Variants in MAML3 observed in about 807,000 individuals in gnomAD.
MAML3 encodes the protein mastermind like transcriptional coactivator 3.
In MAML3, 27 loss-of-function variants were observed where a neutral mutation model predicts 101.9. The observed-to-expected ratio is 0.27, with a 90% CI of 0.20 to 0.37. MAML3 has a LOEUF of 0.37. Among genes scored for constraint, MAML3 ranks in the 10% least tolerant of loss-of-function variants. MAML3 has a pLI of 1.00. For missense variants in MAML3, 1,316 were observed against 1,444.9 expected (o/e 0.91, Z 1.45); for synonymous variants, 501 against 555.9 (o/e 0.90, Z 1.39).
intron 1 of MAML3, among the ~76,000 whole-genome samples, chr4:139,913,980 C>T (rs1225442749): frequency 6.6e-6 from 1 of 152,112 alleles, no homozygotes; most frequent in African/African-American, 2.4e-5. Flanking sequence ...AAAGAAAAAA[C>T]ATCCAGTGAT....
chr4:139,941,574 A>G (rs1229879985), intron 1 of MAML3, among the ~76,000 whole-genome samples: 1 of 151,754 alleles, frequency 6.6e-6, no homozygotes, highest in Non-Finnish European at 1.5e-5. Context: ...TGGTATTGGT[A>G]GTGGATTTTT....
intron 1 of MAML3, among the ~76,000 whole-genome samples, chr4:139,944,477 A>G (rs942406054): frequency 2.6e-5 from 4 of 152,048 alleles, no homozygotes; most frequent in African/African-American, 7.2e-5. Flanking sequence ...ATGATTTCCA[A>G]TTTCATCCAT....
chr4:139,992,557 A>C (rs757368025), intron 1 of MAML3, among the ~76,000 whole-genome samples: 1 of 151,670 alleles, frequency 6.6e-6, no homozygotes, highest in Non-Finnish European at 1.5e-5. Context: ...TTTGAGATGG[A>C]GTCTCACTCT....
chr4:139,967,248 G>T (rs912491215), intron 1 of MAML3, among the ~76,000 whole-genome samples: 5 of 152,048 alleles, frequency 3.3e-5, no homozygotes, highest in Non-Finnish European at 7.4e-5. Context: ...TCAATGAAAG[G>T]CAGTCGCCCC....
intron 1 of MAML3, among the ~76,000 whole-genome samples, chr4:140,063,344 C>A (rs7675405): frequency 1.3e-5 from 2 of 152,174 alleles, no homozygotes; most frequent in Non-Finnish European, 2.9e-5. Flanking sequence ...TGTAATAAGC[C>A]GTCAGTATTT....
At chr4:140,020,816 A>T (rs998852932) in intron 1 of MAML3, among the ~76,000 whole-genome samples, 1 of 152,204 alleles carries the variant, frequency 6.6e-6, no homozygotes, top group Non-Finnish European at 1.5e-5. Flanking sequence ...AATACAAATT[A>T]AAAAATTGAC....
At chr4:139,760,349 A>T (rs981167720) in intron 2 of MAML3, among the ~76,000 whole-genome samples, 2 of 152,214 alleles carry the variant, frequency 1.3e-5, no homozygotes, top group Admixed American at 1.3e-4. Flanking sequence ...ACACAAGTTC[A>T]GGATGGGAGG....
intron 4 of MAML3, among the ~76,000 whole-genome samples, chr4:139,724,696 C>T (rs946643450): frequency 2.0e-5 from 3 of 151,936 alleles, no homozygotes; most frequent in Middle Eastern, 3.2e-3. Flanking sequence ...ACCCCTGTAG[C>T]CCCCTGAAAA....
Position 139,890,531 on chromosome 4 carries a change from A to T in MAML3, c.905T>A (p.Ile302Asn). 6.2e-7 allele frequency: 1 copy of T among 1,613,978 alleles called. No homozygotes were observed. The highest frequency in any genetic ancestry group is 1.3e-5 in the African/African-American group (1 of 75,014). The change falls in exon 2 of 5, where the codon ATT becomes AAT. Residue 302 changes from isoleucine to asparagine, a missense_variant. By Grantham distance (149) the Ile-to-Asn change is moderately radical (BLOSUM62 -3). Coordinates refer to ENST00000509479, the MANE Select transcript of MAML3 (RefSeq NM_018717.5). This position sits in a 1 kb window ranked among gnomAD's most constrained non-coding sequence, Gnocchi z 4.1. ...LSNQNKLFSD[I>N]NLNDQEWQEL... The stretch of plus-strand genomic sequence containing the variant: ...TTGCCACTCCTGATCATTCAGATTA[A>T]TGTCTGAGAACAGCTTGTTCTGATT...
chr4:140,001,633 T>C (rs1484642344), intron 1 of MAML3, among the ~76,000 whole-genome samples: 1 of 152,248 alleles, frequency 6.6e-6, no homozygotes, highest in African/African-American at 2.4e-5. Context: ...CCAAAGGTTT[T>C]ATTTTGTGTA....
chr4:140,103,294 A>G (rs576872762), intron 1 of MAML3, among the ~76,000 whole-genome samples: 1 of 152,372 alleles, frequency 6.6e-6, no homozygotes, highest in South Asian at 2.1e-4. Flanking sequence ...AATCCCAAAA[A>G]GCAAGACATG....
At chr4:140,058,100 T>C (rs376487516) in intron 1 of MAML3, among the ~76,000 whole-genome samples, 32 of 152,298 alleles carry the variant, frequency 2.1e-4, no homozygotes, top group African/African-American at 7.2e-4. Context: ...CTGAAGAAGT[T>C]TTACTTTATT....
intron 1 of MAML3, among the ~76,000 whole-genome samples, chr4:140,046,614 T>C (rs1727186743): frequency 6.6e-6 from 1 of 152,194 alleles, no homozygotes; most frequent in African/African-American, 2.4e-5. Flanking sequence ...AACAGGCATT[T>C]CTTCAGTGCC....
intron 2 of MAML3, among the ~76,000 whole-genome samples, chr4:139,883,596 A>T (rs1732263344): frequency 6.6e-6 from 1 of 152,156 alleles, no homozygotes; most frequent in Non-Finnish European, 1.5e-5. Context: ...TAGTATAAGT[A>T]GCTGCACCCC....
chr4:139,847,332 T>C (rs1731468209), intron 2 of MAML3, among the ~76,000 whole-genome samples: 1 of 152,168 alleles, frequency 6.6e-6, no homozygotes, highest in African/African-American at 2.4e-5. Flanking sequence ...ACAAGATCAC[T>C]CAGATTCAAT....
At position 140,078,027 on chromosome 4, in the gene MAML3, A is replaced by ATG. The variant is rs61154502; in HGVS notation, c.468+74832_468+74833insCA. The stretch of plus-strand genomic sequence containing the variant: ...GCAAGACTCCGTCTCAAATAAATAA[A>ATG]AAAATAAATAAATAAATAAATAAAT... On this transcript the variant is annotated intron_variant, in intron 1 of 4. Transcript: ENST00000509479. Among the ~76,000 whole-genome samples, 57 of 149,598 alleles carry ATG rather than the reference A, an allele frequency of 3.8e-4. No individual in the cohort carries two copies. In the South Asian group the frequency reaches 0.012, roughly 31 times the overall value.
At chr4:139,903,944 T>C (rs1343829975) in intron 1 of MAML3, among the ~76,000 whole-genome samples, 2 of 152,158 alleles carry the variant, frequency 1.3e-5, no homozygotes, top group African/African-American at 2.4e-5. Flanking sequence ...TGTCCTCCCA[T>C]GGTGAAAACA....
intron 2 of MAML3, among the ~76,000 whole-genome samples, chr4:139,888,011 T>C (rs1011166108): frequency 6.6e-6 from 1 of 152,234 alleles, no homozygotes; most frequent in African/African-American, 2.4e-5. Context: ...TATACTTTTA[T>C]TTATCCAGAC....
At chr4:140,032,536 T>C (rs1214271225) in intron 1 of MAML3, among the ~76,000 whole-genome samples, 1 of 152,242 alleles carries the variant, frequency 6.6e-6, no homozygotes, top group Non-Finnish European at 1.5e-5. Context: ...TTGGGTACTG[T>C]ACTTTGACTA....
Sources: allele counts gnomAD v4.1 joint callset (sites outside exome capture counted in the v4.1 genomes callset), GRCh38; gene constraint gnomAD v4.1.1; non-coding constraint Gnocchi (gnomAD v3.1); transcripts MANE v1.5; gene names NCBI Gene and HGNC (gene_info 2026-07-23, HGNC 2026-07-21).